The following RIN2 variants were observed in gnomAD, a reference collection of about 807,000 sequenced individuals.
RIN2 encodes Ras and Rab interactor 2.
In RIN2, 36 loss-of-function variants were observed where a neutral mutation model predicts 78.0. The ratio of observed to expected loss-of-function variants is 0.46; its 90% confidence interval spans 0.35 to 0.61. RIN2 has a LOEUF of 0.61. RIN2 is among the 20% of genes least tolerant of loss of function. The pLI is 0.00. For missense variants in RIN2, 1,087 were observed against 1,159.7 expected (o/e 0.94, Z 0.91); for synonymous variants, 466 against 466.8 (o/e 1.00, Z 0.02).
At chr20:19,877,983 G>A (rs890166479) in intron 2 of RIN2, among the ~76,000 whole-genome samples, 1 of 152,180 alleles carries the variant, frequency 6.6e-6, no homozygotes, top group Non-Finnish European at 1.5e-5. Context: ...TTATGCCAGT[G>A]CATTCTAGTC....
At chr20:19,862,995 CTCT>C (rs1366273086) in intron 2 of RIN2, among the ~76,000 whole-genome samples, 1 of 152,234 alleles carries the variant, frequency 6.6e-6, no homozygotes, top group East Asian at 1.9e-4. Flanking sequence ...CTACTTTTCT[CTCT>C]TCTTTCACCC....
chr20:19,880,775 G>A (rs1175393616), intron 2 of RIN2, among the ~76,000 whole-genome samples: 1 of 152,090 alleles, frequency 6.6e-6, no homozygotes, highest in Non-Finnish European at 1.5e-5. Context: ...TACGTACCAG[G>A]CAGCACGTAA....
intron 2 of RIN2, among the ~76,000 whole-genome samples, chr20:19,836,044 C>T (rs941562740): frequency 1.3e-5 from 2 of 152,126 alleles, no homozygotes; most frequent in Admixed American, 6.5e-5. Context: ...CCAGATAAGT[C>T]GCCCTGTTCT....
chr20:19,807,269 G>A (rs888332933), intron 2 of RIN2, among the ~76,000 whole-genome samples: 7 of 152,204 alleles, frequency 4.6e-5, no homozygotes, highest in Admixed American at 6.5e-5. Flanking sequence ...TTTGCTGGAG[G>A]AGTTTCCACT....
chr20:19,841,706 C>T (rs1287664994), intron 2 of RIN2, among the ~76,000 whole-genome samples: 1 of 152,190 alleles, frequency 6.6e-6, no homozygotes, highest in Non-Finnish European at 1.5e-5. Context: ...GCAGGCAGAA[C>T]TGCCCTTGTA....
intron 1 of RIN2, among the ~76,000 whole-genome samples, chr20:19,761,617 G>A (rs571879767): frequency 1.3e-5 from 2 of 152,250 alleles, no homozygotes; most frequent in African/African-American, 2.4e-5. Context: ...CAACTTCCAA[G>A]GAATGTTGAT....
intron 2 of RIN2, among the ~76,000 whole-genome samples, chr20:19,833,898 T>C (rs1428274147): frequency 6.6e-6 from 1 of 152,116 alleles, no homozygotes; most frequent in Non-Finnish European, 1.5e-5. Context: ...TAGGCTGAGG[T>C]TGGCATCCTG....
At chr20:19,954,880 A>G (rs949877497) in intron 4 of RIN2, among the ~76,000 whole-genome samples, 3 of 152,144 alleles carry the variant, frequency 2.0e-5, no homozygotes, top group African/African-American at 7.2e-5. Context: ...TCATTGGTAA[A>G]ATGGGAATTA....
intron 6 of RIN2, among the ~76,000 whole-genome samples, chr20:19,963,826 G>A (rs1008194678): frequency 2.7e-5 from 4 of 146,906 alleles, no homozygotes; most frequent in Non-Finnish European, 6.0e-5. Context: ...AAGATGTGCA[G>A]AATGCCACAC....
intron 3 of RIN2, among the ~76,000 whole-genome samples, chr20:19,904,412 G>A (rs532635472): frequency 6.6e-6 from 1 of 151,994 alleles, no homozygotes; most frequent in Non-Finnish European, 1.5e-5. Context: ...CGGTGCTGGG[G>A]GAAGCAAATC....
intron 1 of RIN2, among the ~76,000 whole-genome samples, chr20:19,764,490 G>A (rs1031919525): frequency 2.0e-5 from 3 of 152,208 alleles, no homozygotes; most frequent in Non-Finnish European, 2.9e-5. Flanking sequence ...GATAAGGGAC[G>A]TGGAACCTAA....
At chr20:19,949,706 TA>T (rs1402944994) in intron 4 of RIN2, among the ~76,000 whole-genome samples, 1 of 152,144 alleles carries the variant, frequency 6.6e-6, no homozygotes, top group East Asian at 1.9e-4. Context: ...GCGGGTGATG[TA>T]GGGGGAGGTG....
At chr20:19,880,248 CT>C (rs2037980163) in intron 2 of RIN2, among the ~76,000 whole-genome samples, 1 of 100,592 alleles carries the variant, frequency 9.9e-6, no homozygotes, top group African/African-American at 4.4e-5. Context: ...GAGACTCTGT[CT>C]TAAAAAAAAA....
intron 1 of RIN2, among the ~76,000 whole-genome samples, chr20:19,790,176 T>C (rs952229640): frequency 2.0e-5 from 3 of 152,184 alleles, no homozygotes; most frequent in African/African-American, 7.2e-5. Context: ...CTAGTAATTC[T>C]TCAACTGCCT....
At chr20:19,964,879 T>C in intron 6 of RIN2, 73 bp from the exon 7 acceptor site, 1 of 1,225,312 alleles carries the variant, frequency 8.2e-7, no homozygotes, top group Non-Finnish European at 1.2e-6. Flanking sequence ...CCCACACACA[T>C]GGTGTTAGGG....
chr20:19,898,079 A>G (rs923347420), intron 3 of RIN2, among the ~76,000 whole-genome samples: 1 of 152,210 alleles, frequency 6.6e-6, no homozygotes, highest in African/African-American at 2.4e-5. Context: ...CCAGGACTCA[A>G]GTCAGCGCCC....
intron 4 of RIN2, among the ~76,000 whole-genome samples, chr20:19,938,973 A>G (rs1410497398): frequency 1.3e-5 from 2 of 151,960 alleles, no homozygotes; most frequent in Admixed American, 6.6e-5. Context: ...TGGGCCTTGT[A>G]CTCATCAATG....
At chr20:19,781,987 T>C (rs1299876229) in intron 1 of RIN2, among the ~76,000 whole-genome samples, 6 of 152,240 alleles carry the variant, frequency 3.9e-5, no homozygotes, top group African/African-American at 1.4e-4. Context: ...AATTTGGCTT[T>C]ACATTTTAAG....
At chr20:19,858,717 T>C (rs1208816475) in intron 2 of RIN2, among the ~76,000 whole-genome samples, 1 of 152,238 alleles carries the variant, frequency 6.6e-6, no homozygotes, top group African/African-American at 2.4e-5. Context: ...CCTAATCCTC[T>C]GACTCCTTCC....
Sources: allele counts gnomAD v4.1 joint callset (sites outside exome capture counted in the v4.1 genomes callset), GRCh38; gene constraint gnomAD v4.1.1; transcripts MANE v1.5; gene names NCBI Gene and HGNC (gene_info 2026-07-23, HGNC 2026-07-21).